Variants in IFT88 observed in about 807,000 individuals in gnomAD.
IFT88 encodes the protein intraflagellar transport protein 88 homolog.
A neutral mutation model predicts 119.5 loss-of-function variants in IFT88; 74 were observed. The ratio of observed to expected loss-of-function variants is 0.62; its 90% CI spans 0.51 to 0.75. The LOEUF (loss-of-function observed/expected upper bound fraction) is 0.75, where lower values mean the gene tolerates loss of function less well. IFT88 is among the 30% of genes least tolerant of loss of function. The pLI, the probability that IFT88 is intolerant of heterozygous loss-of-function variation, is 0.00. For missense variants in IFT88, 961 were observed against 977.7 expected, an observed-to-expected ratio of 0.98 and a Z score of 0.23; for synonymous variants, 279 against 316.7, an observed-to-expected ratio of 0.88 and a Z score of 1.26.
At chr13:20,597,754 A>AAATATAT (rs1446969137) in intron 9 of IFT88, among the ~76,000 whole-genome samples, 47 of 142,590 alleles carry the variant, frequency 3.3e-4, no homozygotes, top group Admixed American at 1.3e-3. Flanking sequence ...TCAAAAAAAA[A>AAATATAT]ATATATATAT....
At position 20,690,269 on chromosome 13, in the gene IFT88, T is replaced by C. The variant is rs138791776; in HGVS notation, c.2243-436T>C. Reference sequence around the variant, plus strand: ...GCTAGAGGAGTACTTTTAGAAAATATCACAGAAATTTCTGGTTAAAAAGTA... The same window carrying C: ...GCTAGAGGAGTACTTTTAGAAAATACCACAGAAATTTCTGGTTAAAAAGTA... On this transcript the variant is annotated intron_variant, in intron 24 of 25. Transcript: ENST00000351808. Among the ~76,000 whole-genome samples the C allele has an allele frequency of 7.0e-3, 1,059 of 152,292 alleles. 19 individuals carry two copies. The highest frequency in any genetic ancestry group is 0.017 in the Middle Eastern group (5 of 294).
chr13:20,584,340 G>T (rs978702876), intron 3 of IFT88, among the ~76,000 whole-genome samples: 2 of 152,022 alleles, frequency 1.3e-5, no homozygotes, highest in African/African-American at 4.8e-5. Flanking sequence ...AGTGTATCTA[G>T]TAAGTGAATT....
At chr13:20,670,363 T>G (rs186833018) in intron 23 of IFT88, among the ~76,000 whole-genome samples, 117 of 152,198 alleles carry the variant, frequency 7.7e-4, no homozygotes, top group Non-Finnish European at 8.8e-4. Flanking sequence ...AACCATAAAA[T>G]GTAGAAAGAA....
intron 24 of IFT88, among the ~76,000 whole-genome samples, chr13:20,681,786 T>C (rs2057347851): frequency 6.6e-6 from 1 of 152,228 alleles, no homozygotes; most frequent in Non-Finnish European, 1.5e-5. Context: ...GAAATTACAT[T>C]GGCAGGCATC....
At chr13:20,591,124 A>G in intron 5 of IFT88, 104 bp downstream of exon 5, 3 of 748,578 alleles carry the variant, frequency 4.0e-6, no homozygotes, top group South Asian at 1.8e-5. Context: ...GTTAAAGAAG[A>G]TATTACTTAT....
At chr13:20,596,537 G>A (rs2041677772) in intron 8 of IFT88, among the ~76,000 whole-genome samples, 1 of 152,144 alleles carries the variant, frequency 6.6e-6, no homozygotes, top group Middle Eastern at 3.2e-3. Context: ...GCAATATGCT[G>A]CTGAAAGGTG....
At chr13:20,598,782 A>G in intron 10 of IFT88, 29 bp downstream of exon 10, 2 of 1,298,108 alleles carry the variant, frequency 1.5e-6, no homozygotes, top group Non-Finnish European at 2.2e-6. Flanking sequence ...TTTTTCCAAT[A>G]GATGTAATTC....
At chr13:20,669,383 C>T (rs944190431) in intron 23 of IFT88, among the ~76,000 whole-genome samples, 2 of 151,830 alleles carry the variant, frequency 1.3e-5, no homozygotes, top group Non-Finnish European at 2.9e-5. Flanking sequence ...TAAAAACTGT[C>T]AAGCTATGTG....
intron 9 of IFT88, among the ~76,000 whole-genome samples, chr13:20,597,682 T>C (rs1443622664): frequency 1.3e-5 from 2 of 150,884 alleles, no homozygotes; most frequent in Middle Eastern, 3.2e-3. Flanking sequence ...AGGCGGAGCT[T>C]GCGGCGAGCC....
At chr13:20,632,077 A>C (rs980306147) in intron 16 of IFT88, 5 of 151,422 alleles carry the variant, frequency 3.3e-5, no homozygotes, top group African/African-American at 1.2e-4. Flanking sequence ...TGGGGAGGTC[A>C]AGGCTGTTGT....
At chr13:20,629,833 A>C (rs942045620) in intron 15 of IFT88, among the ~76,000 whole-genome samples, 2 of 152,288 alleles carry the variant, frequency 1.3e-5, no homozygotes, top group African/African-American at 2.4e-5. Context: ...AGCATCTTCT[A>C]ATCAGTAAAT....
intron 1 of IFT88, among the ~76,000 whole-genome samples, chr13:20,569,129 A>T (rs886339931): frequency 2.0e-5 from 3 of 152,184 alleles, no homozygotes; most frequent in Admixed American, 6.5e-5. Flanking sequence ...ATTAACTCAA[A>T]ATGGATCAAT....
intron 24 of IFT88, among the ~76,000 whole-genome samples, chr13:20,687,230 C>T (rs971547932): frequency 6.6e-6 from 1 of 151,938 alleles, no homozygotes; most frequent in Non-Finnish European, 1.5e-5. Context: ...TGTTCTGGGG[C>T]CAGCAGAAGG....
At position 20,571,070 on chromosome 13, in the gene IFT88, T is replaced by C. The variant is rs375933843; in HGVS notation, c.-6-3310T>C. Among the ~76,000 whole-genome samples the C allele has an allele frequency of 2.0e-5, 3 of 152,162 alleles. No individual in the cohort carries two copies. In the East Asian group the frequency reaches 5.8e-4, roughly 29 times the overall value. ...GTGTGGTGGCACAATCTCGGCCCAC[T>C]GCAACCTCCGCCTCCCAGGTTCAGG... On this transcript the variant is annotated intron_variant, in intron 1 of 25. Transcript: ENST00000351808.
At chr13:20,597,965 A>C (rs1235513430) in intron 9 of IFT88, among the ~76,000 whole-genome samples, 1 of 151,918 alleles carries the variant, frequency 6.6e-6, no homozygotes, top group East Asian at 1.9e-4. Context: ...AAAAAAAACT[A>C]ATGCCTCTAA....
intron 22 of IFT88, among the ~76,000 whole-genome samples, chr13:20,661,311 G>T (rs2053738014): frequency 6.6e-6 from 1 of 152,180 alleles, no homozygotes; most frequent in Admixed American, 6.5e-5. Flanking sequence ...ACTGCAGGTA[G>T]ACAGTAGCAT....
intron 3 of IFT88, among the ~76,000 whole-genome samples, chr13:20,585,681 C>G (rs1408568832): frequency 6.6e-6 from 1 of 152,142 alleles, no homozygotes; most frequent in African/African-American, 2.4e-5. Context: ...AAAGCCAGGG[C>G]AAACAAAGAC....
In IFT88 at chr13:20,671,114, A is replaced by G. The variant is rs113710932; in HGVS notation, c.2242+75A>G. On this transcript the variant is annotated intron_variant, in intron 24 of 25. Transcript: ENST00000351808. ...TGTGGGCTTCTGGAAACATCTTGCA[A>G]TAATCTAAAGTGTTCTTATGTGTCT... is the stretch of plus-strand genomic sequence containing the variant. 3,055 of 1,191,812 alleles carry G rather than the reference A, an allele frequency of 2.6e-3. 50 individuals carry two copies. In the African/African-American group the frequency reaches 0.041, roughly 16 times the overall value. The allele number at this position is 1,191,812 out of a possible 1,614,324, so 73.8% of individuals were successfully genotyped here. A position where few individuals can be genotyped will look rare whatever the true frequency, so the allele number is the denominator to read the frequency against.
At chr13:20,668,769 G>A (rs1427750470) in intron 23 of IFT88, among the ~76,000 whole-genome samples, 3 of 152,212 alleles carry the variant, frequency 2.0e-5, no homozygotes, top group African/African-American at 7.2e-5. Context: ...AAAAGATGAG[G>A]GAGGGCAGGC....
Sources: gnomAD v4.1 joint callset for allele counts (sites outside exome capture counted in the v4.1 genomes callset) on GRCh38, gnomAD v4.1.1 for gene constraint, MANE v1.5 for transcripts, NCBI Gene and HGNC (gene_info 2026-07-23, HGNC 2026-07-21) for gene names.